ATP9B: variants seen among roughly 807,000 people sequenced by gnomAD.
ATP9B encodes probable phospholipid-transporting ATPase IIB.
Under a neutral mutation model 146.1 loss-of-function variants are expected in ATP9B, and 110 were observed. The observed-to-expected ratio is 0.75, with a 90% CI of 0.65 to 0.88. ATP9B has a LOEUF of 0.88. Ranked by LOEUF, ATP9B falls within the 40% of genes least tolerant of loss-of-function variation. The pLI, the probability that ATP9B is intolerant of heterozygous loss-of-function variation, is 0.00. For synonymous variants in ATP9B, 604 were observed against 569.7 expected, an observed-to-expected ratio of 1.06 and a Z score of -0.86; for missense variants, 1,499 against 1,496.4, an observed-to-expected ratio of 1.00 and a Z score of -0.03.
chr18:79,198,406 G>C (rs1231017342), intron 9 of ATP9B, among the ~76,000 whole-genome samples: 1 of 152,150 alleles, frequency 6.6e-6, no homozygotes, highest in African/African-American at 2.4e-5. Context: ...TGAGAAAAGG[G>C]TTTATTATGG....
intron 13 of ATP9B, among the ~76,000 whole-genome samples, chr18:79,286,725 G>T (rs62102771): frequency 0.045 from 6,764 of 151,604 alleles, 190 homozygotes; most frequent in Non-Finnish European, 0.071. Context: ...TTCCAGTTTT[G>T]GCCCATTCAG....
chr18:79,203,475 G>C (rs998831746), intron 9 of ATP9B, among the ~76,000 whole-genome samples: 2 of 152,242 alleles, frequency 1.3e-5, no homozygotes, highest in African/African-American at 4.8e-5. Flanking sequence ...ATAGCATCAT[G>C]CTTGTGGGCA....
Position 79,080,437 on chromosome 18 carries a change from T to C in ATP9B, c.119+10908T>C, listed in dbSNP as rs148519877. Among the ~76,000 whole-genome samples the C allele has an allele frequency of 6.1e-3, 925 of 152,340 alleles. 9 individuals are homozygous for C. The highest frequency in any genetic ancestry group is 0.021 in the African/African-American group (869 of 41,590). ...TGGAAATTCACTCATGATTTGGCTCTTTGTCTATTGGTGTATAGGAATGCC... is the reference window on the plus strand; with the variant it reads ...TGGAAATTCACTCATGATTTGGCTCCTTGTCTATTGGTGTATAGGAATGCC... On this transcript the variant is annotated intron_variant, in intron 1 of 29. Coordinates refer to ENST00000426216, the MANE Select transcript of ATP9B (RefSeq NM_198531.5).
chr18:79,290,617 C>G (rs1009321871), intron 13 of ATP9B, among the ~76,000 whole-genome samples: 1 of 152,196 alleles, frequency 6.6e-6, no homozygotes, highest in African/African-American at 2.4e-5. Context: ...ATGCGCTGCA[C>G]CCACTGTCCT....
intron 27 of ATP9B, 93 bp downstream of exon 27, chr18:79,372,975 A>G: frequency 2.3e-6 from 2 of 877,590 alleles, no homozygotes; most frequent in Non-Finnish European, 3.7e-6. Flanking sequence ...TTAAATTCCA[A>G]CAGCTTAAAA....
chr18:79,312,048 G>A (rs925679518), intron 15 of ATP9B, among the ~76,000 whole-genome samples: 10 of 152,168 alleles, frequency 6.6e-5, no homozygotes, highest in Admixed American at 3.3e-4. Context: ...TGTGCCTGCC[G>A]CCTTCCCTCC....
chr18:79,371,403 A>G (rs2097069715), intron 26 of ATP9B, among the ~76,000 whole-genome samples: 1 of 130,470 alleles, frequency 7.7e-6, no homozygotes, highest in Non-Finnish European at 1.6e-5. Context: ...AAAAAAAAAC[A>G]GTAGTGCTTC....
chr18:79,374,072 C>T lies in ATP9B; in HGVS notation c.3245C>T (p.Ser1082Phe). 6.2e-7 allele frequency: 1 copy of T among 1,614,196 alleles called. No homozygotes were observed. The highest frequency in any genetic ancestry group is 8.5e-7 in the Non-Finnish European group (1 of 1,180,030). The stretch of plus-strand genomic sequence containing the variant: ...TTCCTCAGCTTAGGCTGCTACGTGT[C>T]CTCACTCGCTTTTCTCAATGAATAT... Reference protein sequence around the residue: ...AEFLSLGCYVSSLAFLNEYFG... With the variant: ...AEFLSLGCYVFSLAFLNEYFG... Residue 1082 changes from serine (S) to phenylalanine (F), a missense_variant, in exon 28 of 30, where the codon TCC (serine) becomes TTC (phenylalanine). By Grantham distance (155) the Ser-to-Phe change is radical. Transcript: ENST00000426216.
At chr18:79,312,076 G>A (rs2096655476) in intron 15 of ATP9B, among the ~76,000 whole-genome samples, 1 of 152,182 alleles carries the variant, frequency 6.6e-6, no homozygotes, top group Non-Finnish European at 1.5e-5. Flanking sequence ...CCCATGCACA[G>A]CGTTGAGACC....
intron 9 of ATP9B, among the ~76,000 whole-genome samples, chr18:79,205,406 A>C (rs534889540): frequency 1.4e-5 from 1 of 73,184 alleles, no homozygotes; most frequent in African/African-American, 8.1e-5. Flanking sequence ...AACACCAGTT[A>C]CATAAACGTA....
At chr18:79,214,399 A>G (rs558748209) in intron 11 of ATP9B, among the ~76,000 whole-genome samples, 1 of 152,206 alleles carries the variant, frequency 6.6e-6, no homozygotes, top group Non-Finnish European at 1.5e-5. Flanking sequence ...AAATAAAGCA[A>G]TCTGTATTAA....
At chr18:79,333,918 A>C (rs2096805101) in intron 17 of ATP9B, among the ~76,000 whole-genome samples, 1 of 152,216 alleles carries the variant, frequency 6.6e-6, no homozygotes, top group African/African-American at 2.4e-5. Flanking sequence ...AGAGTTGCTC[A>C]AATTTGAAAT....
chr18:79,159,275 A>C (rs2094841591), intron 7 of ATP9B, among the ~76,000 whole-genome samples: 1 of 152,200 alleles, frequency 6.6e-6, no homozygotes, highest in Non-Finnish European at 1.5e-5. Flanking sequence ...TTAAAATCTT[A>C]GCAGGTATGT....
In ATP9B at chr18:79,232,572, T is replaced by TCAA. The variant is rs1333650370; in HGVS notation, c.1107+18537_1107+18539dup. On this transcript the variant is annotated intron_variant, in intron 11 of 29. Transcript: ENST00000426216. ...TTATCTCATACATCATATCCAGCTT[T>TCAA]CAACAGACATTCCAAGATATGCTAA... 2.6e-5 allele frequency among the ~76,000 whole-genome samples: 4 copies of TCAA among 152,276 alleles called. No individual in the cohort carries two copies. The East Asian group carries it at 7.7e-4, about 29-fold the overall frequency.
At chr18:79,303,133 T>C (rs1339313185) in intron 13 of ATP9B, among the ~76,000 whole-genome samples, 5 of 152,278 alleles carry the variant, frequency 3.3e-5, no homozygotes, top group East Asian at 3.9e-4. Context: ...CAGAACACTT[T>C]AGGAGGCCAA....
intron 5 of ATP9B, among the ~76,000 whole-genome samples, chr18:79,132,885 TACGC>T (rs1432216822): frequency 6.6e-6 from 1 of 152,244 alleles, no homozygotes; most frequent in Non-Finnish European, 1.5e-5. Context: ...CACTTATAAA[TACGC>T]TTTGTTTGGA....
intron 13 of ATP9B, among the ~76,000 whole-genome samples, chr18:79,291,509 A>T (rs779510294): frequency 4.6e-5 from 7 of 152,248 alleles, no homozygotes; most frequent in Non-Finnish European, 7.3e-5. Flanking sequence ...AAATTAAAAA[A>T]TCATCGAGAT....
chr18:79,336,611 G>A lies in ATP9B; in HGVS notation c.2029-17G>A, dbSNP rs745441916. 11 of 1,612,852 alleles carry A rather than the reference G, an allele frequency of 6.8e-6. No individual in the cohort carries two copies. The highest frequency in any genetic ancestry group is 1.1e-5 in the South Asian group (1 of 90,852). ...GCTCTGCAGGGCCCACCTGTGACTCGGCCTCTCCTTTTCCAGTGCGGAAAC... is the reference window on the plus strand; with the variant it reads ...GCTCTGCAGGGCCCACCTGTGACTCAGCCTCTCCTTTTCCAGTGCGGAAAC... On this transcript the variant is annotated splice_polypyrimidine_tract_variant and intron_variant, in intron 17 of 29. Transcript: ENST00000426216.
chr18:79,138,147 T>C (rs2094469483), intron 5 of ATP9B, among the ~76,000 whole-genome samples: 1 of 152,210 alleles, frequency 6.6e-6, no homozygotes, highest in Admixed American at 6.5e-5. Context: ...ATTGTAACTT[T>C]TTGTTCAACT....
Sources: gnomAD v4.1 joint callset for allele counts (sites outside exome capture counted in the v4.1 genomes callset) on GRCh38, gnomAD v4.1.1 for gene constraint, MANE v1.5 for transcripts, NCBI Gene and HGNC (gene_info 2026-07-23, HGNC 2026-07-21) for gene names.